The following ERC2 variants were observed in gnomAD, a reference collection of about 807,000 sequenced individuals.
ERC2 encodes ELKS/RAB6-interacting/CAST family member 2, also known as ERC protein 2.
In ERC2, 42 loss-of-function variants were observed where a neutral mutation model predicts 114.8. The ratio of observed to expected loss-of-function variants is 0.37; its 90% CI spans 0.29 to 0.47. ERC2 has a LOEUF of 0.47. ERC2 is among the 20% of genes least tolerant of loss of function. The probability of loss-of-function intolerance (pLI) is 0.99; values close to 1 mark genes in which losing one functional copy is unlikely to be tolerated. For missense variants in ERC2, 939 were observed against 1,150.7 expected, an observed-to-expected ratio of 0.82 and a Z score of 2.66; for synonymous variants, 454 against 425.5, an observed-to-expected ratio of 1.07 and a Z score of -0.82.
intron 3 of ERC2, among the ~76,000 whole-genome samples, chr3:56,176,933 C>T (rs2083012846): frequency 6.6e-6 from 1 of 152,202 alleles, no homozygotes. Context: ...TTCATAAAAA[C>T]TTCCTAACTA....
chr3:56,466,582 C>G (rs886507067), intron 1 of ERC2, among the ~76,000 whole-genome samples: 2 of 152,306 alleles, frequency 1.3e-5, no homozygotes, highest in East Asian at 3.9e-4. Context: ...TACTACTCCC[C>G]GGAAAGAAAA....
At chr3:56,181,699 A>G (rs2083294458) in intron 3 of ERC2, among the ~76,000 whole-genome samples, 2 of 152,218 alleles carry the variant, frequency 1.3e-5, no homozygotes, top group South Asian at 4.1e-4. Flanking sequence ...AACAAATAGA[A>G]TAAGGTGGAA....
chr3:56,302,819 C>A (rs1344539489), intron 2 of ERC2, among the ~76,000 whole-genome samples: 1 of 152,246 alleles, frequency 6.6e-6, no homozygotes, highest in Non-Finnish European at 1.5e-5. Context: ...TTCAGTCATT[C>A]TTTCTGTGGC....
chr3:56,026,057 C>CTTTTTT (rs59635680), intron 7 of ERC2, among the ~76,000 whole-genome samples: 20 of 69,210 alleles, frequency 2.9e-4, no homozygotes, highest in Admixed American at 5.7e-4. Context: ...CCGTTTCTTT[C>CTTTTTT]TTTTTTTTTT....
chr3:56,083,030 G>A (rs560957619), intron 6 of ERC2, among the ~76,000 whole-genome samples: 21 of 152,208 alleles, frequency 1.4e-4, no homozygotes, highest in African/African-American at 4.3e-4. Context: ...AAAACTGGTC[G>A]CTGGTGCCAA....
intron 15 of ERC2, among the ~76,000 whole-genome samples, chr3:55,717,837 T>A (rs1215498986): frequency 6.6e-6 from 1 of 152,190 alleles, no homozygotes; most frequent in Admixed American, 6.5e-5. Flanking sequence ...GATAATAATC[T>A]ACAAATCAAT....
chr3:56,052,271 T>G (rs1187985792), intron 7 of ERC2, among the ~76,000 whole-genome samples: 5 of 152,200 alleles, frequency 3.3e-5, no homozygotes. Flanking sequence ...CAAAATGATG[T>G]GGCCACATGG....
At chr3:55,639,316 C>T (rs1199252479) in intron 17 of ERC2, among the ~76,000 whole-genome samples, 2 of 152,122 alleles carry the variant, frequency 1.3e-5, no homozygotes, top group African/African-American at 4.8e-5. Flanking sequence ...AGAGAACTAT[C>T]TCAAGGGTGT....
rs767935328 is a variant in ERC2 at position 55,888,536 on chromosome 3, A to G, written c.2417T>C (p.Met806Thr). The G allele has an allele frequency of 6.2e-6, 10 of 1,613,668 alleles. No individual in the cohort carries two copies. In the African/African-American group the frequency reaches 1.2e-4, roughly 19 times the overall value. The change falls in exon 14 of 18, where the codon ATG (methionine) becomes ACG (threonine). Residue 806 changes from methionine (M) to threonine (T), a missense_variant. By Grantham distance (81) the Met-to-Thr change is moderately conservative. Transcript: ENST00000288221. ...CTGTCTGGTCTTCTCCAGTGCATTC[A>G]TCAGTTCCTCTATCTGAAAGGCACA... Reference protein sequence around the residue: ...NSQHLQIEELMNALEKTRQEL... With the variant: ...NSQHLQIEELTNALEKTRQEL...
At chr3:56,318,514 A>G (rs2056972862) in intron 2 of ERC2, among the ~76,000 whole-genome samples, 1 of 152,092 alleles carries the variant, frequency 6.6e-6, no homozygotes, top group African/African-American at 2.4e-5. Flanking sequence ...AAAAATGGAG[A>G]AAACATTTGC....
chr3:55,596,723 AG>A (rs2058155580), intron 17 of ERC2, among the ~76,000 whole-genome samples: 3 of 152,262 alleles, frequency 2.0e-5, no homozygotes, highest in African/African-American at 7.2e-5. Context: ...TGTAAAGGCA[AG>A]AGCATTAGTA....
rs138274429 is a variant in ERC2 at position 55,959,502 on chromosome 3, G to C, written c.2268-8942C>G. ...TTGGTAAGATTGGCATGAGCCCACA[G>C]GAAACTCCAAGGAAAAAGGCAAGCC... On this transcript the variant is annotated intron_variant, in intron 12 of 17. Transcript: ENST00000288221. Among the ~76,000 whole-genome samples the C allele has an allele frequency of 7.2e-3, 1,101 of 152,266 alleles. 14 individuals carry two copies. Among genetic ancestry groups the C allele is most frequent in the African/African-American group, 0.025 (1,038 of 41,550 alleles).
At chr3:55,894,680 A>G (rs1295142767) in intron 13 of ERC2, among the ~76,000 whole-genome samples, 1 of 152,214 alleles carries the variant, frequency 6.6e-6, no homozygotes, top group African/African-American at 2.4e-5. Context: ...ACTAACTCAG[A>G]AGGAGAAAAT....
chr3:56,164,121 A>G (rs748731368), intron 4 of ERC2, among the ~76,000 whole-genome samples: 6 of 152,048 alleles, frequency 3.9e-5, no homozygotes, highest in Admixed American at 6.6e-5. Flanking sequence ...AGCTTTCATG[A>G]GCTATAATAC....
chr3:56,405,887 CTTT>C (rs72095902), intron 2 of ERC2, among the ~76,000 whole-genome samples: 1 of 85,202 alleles, frequency 1.2e-5, no homozygotes, highest in African/African-American at 4.6e-5. Context: ...ACTTTTTTTT[CTTT>C]TTTTTTTTTT....
At chr3:55,569,618 C>T (rs1053114422) in intron 17 of ERC2, among the ~76,000 whole-genome samples, 6 of 152,166 alleles carry the variant, frequency 3.9e-5, no homozygotes, top group Admixed American at 3.3e-4. Flanking sequence ...ATTTGATGTG[C>T]CTGAAACTCC....
At chr3:55,615,815 G>C (rs564729266) in intron 17 of ERC2, among the ~76,000 whole-genome samples, 57 of 152,266 alleles carry the variant, frequency 3.7e-4, no homozygotes, top group African/African-American at 1.4e-3. Context: ...AGTGGCATGC[G>C]AGCAGGAACT....
intron 17 of ERC2, among the ~76,000 whole-genome samples, chr3:55,565,674 A>G (rs1261701060): frequency 6.6e-6 from 1 of 152,260 alleles, no homozygotes; most frequent in Admixed American, 6.5e-5. Context: ...CACTTGGGTT[A>G]GAGTGCCCAG....
chr3:56,171,782 C>T (rs1024796952), intron 4 of ERC2, among the ~76,000 whole-genome samples: 1 of 150,544 alleles, frequency 6.6e-6, no homozygotes, highest in Admixed American at 6.6e-5. Context: ...TACCAGGAAA[C>T]TACCCACCAC....
Sources: gnomAD v4.1 joint callset for allele counts (sites outside exome capture counted in the v4.1 genomes callset) on GRCh38, gnomAD v4.1.1 for gene constraint, MANE v1.5 for transcripts, NCBI Gene and HGNC (gene_info 2026-07-23, HGNC 2026-07-21) for gene names.